The following KDM1A variants were observed in gnomAD, a reference collection of about 807,000 sequenced individuals.
The protein encoded by KDM1A is lysine-specific histone demethylase 1A.
A neutral mutation model predicts 109.4 loss-of-function variants in KDM1A; 49 were observed. The observed-to-expected ratio is 0.45, with a 90% CI of 0.36 to 0.57. KDM1A has a LOEUF of 0.57. Ranked by LOEUF, KDM1A falls within the 20% of genes least tolerant of loss-of-function variation. KDM1A has a pLI of 0.00. For synonymous variants in KDM1A, 380 were observed against 415.4 expected, an observed-to-expected ratio of 0.91 and a Z score of 1.04; for missense variants, 668 against 1,116.6, an observed-to-expected ratio of 0.60 and a Z score of 5.73.
intron 1 of KDM1A, among the ~76,000 whole-genome samples, chr1:23,028,972 A>T (rs150440961): frequency 1.4e-4 from 22 of 152,284 alleles, no homozygotes; most frequent in African/African-American, 5.1e-4. Flanking sequence ...ACAATTATTC[A>T]TGTATTAAAT....
intron 1 of KDM1A, among the ~76,000 whole-genome samples, chr1:23,022,136 A>T (rs1249373402): frequency 2.6e-5 from 4 of 152,164 alleles, no homozygotes; most frequent in Non-Finnish European, 5.9e-5. Context: ...GTGAACATTA[A>T]TGTACAGTTT....
rs984824082 is a variant in KDM1A, at chr1:23,069,045, A to G, written c.1323-16A>G. The G allele has an allele frequency of 1.9e-6, 3 of 1,576,784 alleles. No homozygotes were observed. Among genetic ancestry groups the G allele is most frequent in the Non-Finnish European group, 2.6e-6 (3 of 1,154,926 alleles). The stretch of plus-strand genomic sequence containing the variant: ...AGTTGGCTTTGAGAGCAGATTATAC[A>G]TATTGTCTCTCTTAGGTTACAAGAG... On this transcript the variant is annotated splice_polypyrimidine_tract_variant and intron_variant, in intron 11 of 20. Coordinates refer to ENST00000400181, the MANE Select transcript of KDM1A (RefSeq NM_001009999.3).
chr1:23,045,321 T>C (rs1201452314), intron 3 of KDM1A, among the ~76,000 whole-genome samples: 2 of 152,240 alleles, frequency 1.3e-5, no homozygotes, highest in African/African-American at 4.8e-5. Context: ...TTTAAAATTA[T>C]TTGTTTTGCA....
chr1:23,043,709 T>C (rs1158650759), intron 2 of KDM1A, among the ~76,000 whole-genome samples: 1 of 152,250 alleles, frequency 6.6e-6, no homozygotes, highest in African/African-American at 2.4e-5. Context: ...TGAAGTTACT[T>C]CTACATATTA....
intron 16 of KDM1A, among the ~76,000 whole-genome samples, chr1:23,078,749 G>T (rs1569821801): frequency 6.6e-6 from 1 of 152,216 alleles, no homozygotes; most frequent in Non-Finnish European, 1.5e-5. Flanking sequence ...GTAGTGTGGG[G>T]ATGACAGTTG....
chr1:23,043,852 T>C (rs879288086), intron 2 of KDM1A, among the ~76,000 whole-genome samples: 3 of 152,096 alleles, frequency 2.0e-5, no homozygotes, highest in Admixed American at 6.5e-5. Context: ...ACACACACAG[T>C]GTCTTATTGT....
intron 2 of KDM1A, among the ~76,000 whole-genome samples, chr1:23,038,656 C>A (rs1423062437): frequency 6.6e-6 from 1 of 152,138 alleles, no homozygotes; most frequent in South Asian, 2.1e-4. Context: ...TTGCATTTCT[C>A]CCTAGCTTGT....
Position 23,063,198 on chromosome 1 carries a change from G to GGGT in KDM1A, c.1168-2860_1168-2859insTGG, listed in dbSNP as rs1553130161. Among the ~76,000 whole-genome samples the GGGT allele has an allele frequency of 7.1e-5, 5 of 70,368 alleles. 1 individual carries two copies. Among genetic ancestry groups the GGGT allele is most frequent in the African/African-American group, 1.2e-4 (2 of 16,182 alleles). The allele number at this position is 70,368 out of a possible 152,430, so 46.2% of individuals were successfully genotyped here. A position where few individuals can be genotyped will look rare whatever the true frequency, so the allele number is the denominator to read the frequency against. ...AAATTCCCACAGTGCTGTAGCATTG[G>GGGT]GGGGGGGGTGTGGTGTGGGGTGGGT... On this transcript the variant is annotated intron_variant, in intron 9 of 20. Coordinates refer to ENST00000400181, the MANE Select transcript of KDM1A (RefSeq NM_001009999.3).
At chr1:23,082,115 CT>C in intron 19 of KDM1A, 104 bp from the exon 20 acceptor site, 1 of 1,246,194 alleles carries the variant, frequency 8.0e-7, no homozygotes, top group Non-Finnish European at 1.1e-6. Context: ...TGTTGCCCCT[CT>C]TTCTCTTCAC....
chr1:23,071,854 T>C (rs557677664), intron 13 of KDM1A, among the ~76,000 whole-genome samples: 4 of 152,302 alleles, frequency 2.6e-5, no homozygotes, highest in Non-Finnish European at 5.9e-5. Flanking sequence ...TGATTTTTCA[T>C]CCCCACTTTG....
chr1:23,050,467 A>G lies in KDM1A; in HGVS notation c.658A>G (p.Ile220Val), dbSNP rs199943849. ...SQEAACFPDIISGPQQTQKVF... is the reference protein window; with the variant it reads ...SQEAACFPDIVSGPQQTQKVF... ...AGAAGCAGCCTGTTTTCCAGATATT[A>G]TCAGTGGACCACAACAGACCCAGAA... The change falls in exon 4 of 21, where the codon ATC becomes GTC. Residue 220 changes from isoleucine (I) to valine (V), a missense_variant. Around this residue, in one of 8 missense-constraint regions of KDM1A, gnomAD observed 149 missense variants for 189.7 expected, o/e 0.79. Transcript: ENST00000400181. 5.0e-6 allele frequency: 8 copies of G among 1,613,476 alleles called. No homozygotes were observed. The highest frequency in any genetic ancestry group is 6.8e-6 in the Non-Finnish European group (8 of 1,179,666).
chr1:23,055,525 T>C (rs1642806871), intron 6 of KDM1A: 2 of 171,350 alleles, frequency 1.2e-5, no homozygotes, highest in Admixed American at 1.2e-4. Flanking sequence ...GATTTTTTAA[T>C]GCTTTAATCA....
chr1:23,066,412 C>T (rs1643162248), intron 10 of KDM1A, among the ~76,000 whole-genome samples: 1 of 152,140 alleles, frequency 6.6e-6, no homozygotes, highest in Non-Finnish European at 1.5e-5. Flanking sequence ...TACCACACAC[C>T]CTGGACCCCA....
At chr1:23,063,221 GGTGTGTGTGGGTGTGT>G (rs1249137814) in intron 9 of KDM1A, among the ~76,000 whole-genome samples, 1 of 90,906 alleles carries the variant, frequency 1.1e-5, no homozygotes, top group Non-Finnish European at 2.3e-5. Flanking sequence ...GTGTGGGGTG[GGTGTGTGTGGGTGTGT>G]GTGTGTGTGT....
intron 7 of KDM1A, 63 bp from the exon 8 acceptor site, chr1:23,057,421 T>C (rs1357893326): frequency 4.2e-6 from 5 of 1,197,774 alleles, no homozygotes; most frequent in Non-Finnish European, 5.0e-6. Flanking sequence ...CGTGGTATGG[T>C]ACTATGCCAG....
intron 2 of KDM1A, among the ~76,000 whole-genome samples, chr1:23,032,452 A>C (rs991334518): frequency 6.6e-6 from 1 of 150,844 alleles, no homozygotes; most frequent in African/African-American, 2.4e-5. Flanking sequence ...AGCTGTCTTT[A>C]TTGTGTTGTA....
In KDM1A at chr1:23,071,222, T is replaced by C. The variant is rs988620357; in HGVS notation, c.1414-3T>C. On this transcript the variant is annotated splice_region_variant and splice_polypyrimidine_tract_variant and intron_variant, in intron 12 of 20. Transcript: ENST00000400181. The stretch of plus-strand genomic sequence containing the variant: ...ATGGTAAATTTGTATTTTTCCTTCT[T>C]AGATGGTAAATTTGAAAGAGAAAAT... The C allele has an allele frequency of 7.5e-6, 12 of 1,596,624 alleles. No homozygotes were observed. Among genetic ancestry groups the C allele is most frequent in the African/African-American group, 1.4e-5 (1 of 73,664 alleles).
At position 23,025,124 on chromosome 1, in the gene KDM1A, A is replaced by T. The variant is rs371735949; in HGVS notation, c.351+5177A>T. Among the ~76,000 whole-genome samples, 12 of 152,348 alleles carry T rather than the reference A, an allele frequency of 7.9e-5. No individual in the cohort carries two copies. In the East Asian group the frequency reaches 9.6e-4, roughly 12 times the overall value. On this transcript the variant is annotated intron_variant, in intron 1 of 20. Coordinates refer to ENST00000400181, the MANE Select transcript of KDM1A (RefSeq NM_001009999.3). The stretch of plus-strand genomic sequence containing the variant: ...TGGTAGCCTGTAGCCACATGTGGCT[A>T]TTAAGTTTAAATTGAAATTAAAAAC...
rs1023682925 is a variant in KDM1A, at chr1:23,081,347, T to C, written c.2171-99T>C. ...GAATGGTACTGCGTGTGTCTTGTCA[T>C]CAGATTTCAGAGCACCAGGAATAAG... On this transcript the variant is annotated intron_variant, in intron 18 of 20. Coordinates refer to ENST00000400181, the MANE Select transcript of KDM1A (RefSeq NM_001009999.3). The C allele has an allele frequency of 3.7e-5, 51 of 1,364,232 alleles. No individual in the cohort carries two copies. In the East Asian group the frequency reaches 9.9e-4, roughly 27 times the overall value. 84.5% of individuals were successfully genotyped at this position (1,364,232 alleles called of 1,614,324 possible). A position where few individuals can be genotyped will look rare whatever the true frequency, so the allele number is the denominator to read the frequency against.
Sources: gnomAD v4.1 joint callset for allele counts (sites outside exome capture counted in the v4.1 genomes callset) on GRCh38, gnomAD v4.1.1 for gene constraint, gnomAD v4.1.1 regional missense constraint, MANE v1.5 for transcripts, NCBI Gene and HGNC (gene_info 2026-07-23, HGNC 2026-07-21) for gene names.